The following NRXN3 variants were observed in gnomAD, a reference collection of about 807,000 sequenced individuals.
The protein encoded by NRXN3 is neurexin 3.
In NRXN3, 32 loss-of-function variants were observed where a neutral mutation model predicts 137.6. That is an observed-to-expected ratio of 0.23 (90% confidence interval 0.18 to 0.31). The LOEUF (loss-of-function observed/expected upper bound fraction) is 0.31. Among genes scored for constraint, NRXN3 ranks in the 10% least tolerant of loss-of-function variants. NRXN3 has a pLI of 1.00. For synonymous variants in NRXN3, 798 were observed against 784.5 expected, an observed-to-expected ratio of 1.02 and a Z score of -0.29; for missense variants, 1,574 against 2,062.5, an observed-to-expected ratio of 0.76 and a Z score of 4.59.
intron 15 of NRXN3, among the ~76,000 whole-genome samples, chr14:79,228,209 G>A (rs1396961422): frequency 6.6e-6 from 1 of 152,114 alleles, no homozygotes; most frequent in African/African-American, 2.4e-5. Flanking sequence ...TCCCTGAAGT[G>A]CTAGCCATGT....
At chr14:78,372,166 G>GGA (rs2086954801) in intron 4 of NRXN3, among the ~76,000 whole-genome samples, 1 of 114,190 alleles carries the variant, frequency 8.8e-6, no homozygotes, top group Non-Finnish European at 2.0e-5. Flanking sequence ...ATCTGATTCT[G>GGA]AAAAAAAAAT....
intron 15 of NRXN3, among the ~76,000 whole-genome samples, chr14:79,230,665 A>G (rs1419436540): frequency 6.6e-6 from 1 of 152,164 alleles, no homozygotes; most frequent in Non-Finnish European, 1.5e-5. Flanking sequence ...GTGAATTAGT[A>G]TCCTAATTAA....
At chr14:79,175,637 G>A (rs2062254387) in intron 15 of NRXN3, among the ~76,000 whole-genome samples, 1 of 152,180 alleles carries the variant, frequency 6.6e-6, no homozygotes, top group Non-Finnish European at 1.5e-5. Flanking sequence ...ACTTCATAGT[G>A]TATCACACTG....
intron 15 of NRXN3, among the ~76,000 whole-genome samples, chr14:79,366,980 C>A (rs1310822208): frequency 8.8e-6 from 1 of 113,216 alleles, no homozygotes; most frequent in Non-Finnish European, 1.8e-5. Context: ...GTCCCTTAGT[C>A]TTTTTTTTTT....
rs115082245 is a variant in NRXN3 at position 79,492,465 on chromosome 14, C to T, written c.3444+25063C>T. On this transcript the variant is annotated intron_variant, in intron 16 of 20. Coordinates refer to ENST00000335750, the MANE Select transcript of NRXN3 (RefSeq NM_001330195.2). Reference sequence around the variant, plus strand: ...TGGCGCCATCTCGCCTTACCACAACCCCTGTCACCCAGGTTCAAGTGATTC... The same window carrying T: ...TGGCGCCATCTCGCCTTACCACAACTCCTGTCACCCAGGTTCAAGTGATTC... 4.6e-3 allele frequency among the ~76,000 whole-genome samples: 702 copies of T among 152,182 alleles called. 9 individuals are homozygous for T. Among genetic ancestry groups the T allele is most frequent in the African/African-American group, 0.016 (682 of 41,512 alleles).
At chr14:79,284,388 A>ATATC (rs2081899068) in intron 15 of NRXN3, among the ~76,000 whole-genome samples, 1 of 132,618 alleles carries the variant, frequency 7.5e-6, no homozygotes, top group Admixed American at 7.6e-5. Flanking sequence ...ATATATATGT[A>ATATC]TCTCCAATGT....
chr14:78,918,649 A>G (rs1373595363), intron 10 of NRXN3, among the ~76,000 whole-genome samples: 1 of 152,128 alleles, frequency 6.6e-6, no homozygotes, highest in Non-Finnish European at 1.5e-5. Context: ...TCTTGATTTC[A>G]TTTTCTACTT....
At chr14:79,533,469 A>T (rs188618059) in intron 16 of NRXN3, among the ~76,000 whole-genome samples, 63 of 152,330 alleles carry the variant, frequency 4.1e-4, no homozygotes, top group African/African-American at 1.3e-3. Context: ...TGGGGTTTTA[A>T]GAGCTTACTT....
At chr14:79,065,007 C>T (rs1392869991) in intron 15 of NRXN3, among the ~76,000 whole-genome samples, 1 of 151,770 alleles carries the variant, frequency 6.6e-6, no homozygotes, top group Non-Finnish European at 1.5e-5. Context: ...CTGCTTCTCC[C>T]AAAATCCCAA....
rs370669288 is a variant in NRXN3 at position 78,602,267 on chromosome 14, C to CTTTTTTT, written c.758-42838_758-42832dup. Among the ~76,000 whole-genome samples, 44 of 115,256 alleles carry CTTTTTTT rather than the reference C, an allele frequency of 3.8e-4. 1 individual carries two copies. The highest frequency in any genetic ancestry group is 8.7e-4 in the East Asian group (3 of 3,468). 75.6% of individuals were successfully genotyped at this position (115,256 alleles called of 152,430 possible). A position where few individuals can be genotyped will look rare whatever the true frequency, so the allele number is the denominator to read the frequency against. The stretch of plus-strand genomic sequence containing the variant: ...GGTTTGGTTTGCATTTCACATTAGC[C>CTTTTTTT]TTTTTTTTTTTTTTTTTTTTTAAAT... On this transcript the variant is annotated intron_variant, in intron 4 of 20. Transcript: ENST00000335750.
intron 4 of NRXN3, among the ~76,000 whole-genome samples, chr14:78,404,460 C>T (rs901780151): frequency 1.3e-5 from 2 of 152,054 alleles, no homozygotes; most frequent in Non-Finnish European, 2.9e-5. Context: ...CCTGCAGCCT[C>T]CCAATTTCTG....
chr14:78,975,578 A>C (rs1351726029), intron 14 of NRXN3, among the ~76,000 whole-genome samples: 1 of 152,172 alleles, frequency 6.6e-6, no homozygotes, highest in Non-Finnish European at 1.5e-5. Flanking sequence ...TCACTCTGAC[A>C]CTAGAATGGA....
chr14:79,837,026 A>G (rs1417555453), intron 20 of NRXN3, among the ~76,000 whole-genome samples: 3 of 152,144 alleles, frequency 2.0e-5, no homozygotes, highest in Admixed American at 6.6e-5. Context: ...ACATTATTCC[A>G]GGATCTTGTC....
intron 4 of NRXN3, among the ~76,000 whole-genome samples, chr14:78,494,357 G>A (rs543961180): frequency 1.3e-5 from 2 of 150,942 alleles, no homozygotes; most frequent in East Asian, 2.0e-4. Flanking sequence ...CCCATATTTG[G>A]CGTGTTTTGT....
intron 10 of NRXN3, among the ~76,000 whole-genome samples, chr14:78,897,953 T>C (rs1452478811): frequency 6.6e-6 from 1 of 152,000 alleles, no homozygotes; most frequent in Admixed American, 6.6e-5. Flanking sequence ...TCATGGCATT[T>C]ATCTCACATC....
chr14:79,593,044 C>T (rs2097822336), intron 16 of NRXN3, among the ~76,000 whole-genome samples: 1 of 152,076 alleles, frequency 6.6e-6, no homozygotes, highest in African/African-American at 2.4e-5. Flanking sequence ...TTATTTGACA[C>T]TACACATCTG....
chr14:78,759,339 T>C (rs1200198533), intron 8 of NRXN3, among the ~76,000 whole-genome samples: 2 of 152,250 alleles, frequency 1.3e-5, no homozygotes, highest in Non-Finnish European at 2.9e-5. Flanking sequence ...GTGCATTATA[T>C]ACGATATCTC....
chr14:78,678,060 T>C (rs547944134), intron 6 of NRXN3, among the ~76,000 whole-genome samples: 2 of 152,190 alleles, frequency 1.3e-5, no homozygotes, highest in Admixed American at 6.5e-5. Context: ...TTTGTGTAAC[T>C]CACTTTATTG....
chr14:78,506,485 G>C (rs944153215), intron 4 of NRXN3, among the ~76,000 whole-genome samples: 2 of 151,924 alleles, frequency 1.3e-5, no homozygotes, highest in African/African-American at 4.8e-5. Context: ...TTAATCTTTT[G>C]AGTAGCCTTC....
Sources: allele counts gnomAD v4.1 joint callset (sites outside exome capture counted in the v4.1 genomes callset), GRCh38; gene constraint gnomAD v4.1.1; transcripts MANE v1.5; gene names NCBI Gene and HGNC (gene_info 2026-07-23, HGNC 2026-07-21).